Variants in SSBP2 observed in about 807,000 individuals in gnomAD.
The protein encoded by SSBP2 is single-stranded DNA-binding protein 2.
In SSBP2, 17 loss-of-function variants were observed where a neutral mutation model predicts 61.8. That is an observed-to-expected ratio of 0.28 (90% CI 0.19 to 0.41). The LOEUF (loss-of-function observed/expected upper bound fraction) is 0.41, where lower values mean the gene tolerates loss of function less well. Ranked by LOEUF, SSBP2 falls within the 10% of genes least tolerant of loss-of-function variation. The pLI is 1.00. For synonymous variants in SSBP2, 139 were observed against 141.3 expected (o/e 0.98, Z 0.12); for missense variants, 310 against 458.7 (o/e 0.68, Z 2.96).
intron 1 of SSBP2, among the ~76,000 whole-genome samples, chr5:81,746,069 A>C (rs1757330408): frequency 6.6e-6 from 1 of 152,138 alleles, no homozygotes; most frequent in African/African-American, 2.4e-5. Context: ...GAAAACTTTC[A>C]ACTTTTTTCT....
rs1036407987 is a variant in SSBP2, at chr5:81,419,668, G to A, written c.*836C>T. ...TTATTGCTATGGTCTAAATGATTTG[G>A]GCTATTTAATGATTTCTGTATCATC... On this transcript the variant is annotated 3_prime_UTR_variant, in exon 17 of 17. Transcript: ENST00000320672. The A allele has an allele frequency of 1.3e-5, 2 of 152,038 alleles. No homozygotes were observed. The highest frequency in any genetic ancestry group is 1.3e-4 in the Admixed American group (2 of 15,258). The allele number at this position is 152,038 out of a possible 1,614,324, so 9.4% of individuals were successfully genotyped here.
In SSBP2 at chr5:81,491,556, A is replaced by C. The variant is rs369963266; in HGVS notation, c.373-2247T>G. 3.6e-4 allele frequency among the ~76,000 whole-genome samples: 55 copies of C among 152,292 alleles called. 1 individual carries two copies. In the South Asian group the frequency reaches 0.01, roughly 29 times the overall value. On this transcript the variant is annotated intron_variant, in intron 5 of 16. Coordinates refer to ENST00000320672, the MANE Select transcript of SSBP2 (RefSeq NM_012446.5). Reference sequence around the variant, plus strand: ...CTCCTACCTGACTGAGGCCCTGTGAAGGAGCTGCTGTGAGGGAGGGTCAGT... The same window carrying C: ...CTCCTACCTGACTGAGGCCCTGTGACGGAGCTGCTGTGAGGGAGGGTCAGT...
At chr5:81,639,921 A>G (rs1371020033) in intron 2 of SSBP2, among the ~76,000 whole-genome samples, 1 of 152,244 alleles carries the variant, frequency 6.6e-6, no homozygotes, top group Non-Finnish European at 1.5e-5. Flanking sequence ...AAAAAGATGA[A>G]AAAAGTTAAG....
At chr5:81,477,849 A>G (rs915728497) in intron 6 of SSBP2, among the ~76,000 whole-genome samples, 1 of 152,212 alleles carries the variant, frequency 6.6e-6, no homozygotes, top group Admixed American at 6.5e-5. Flanking sequence ...TAGACTGACA[A>G]TTTTAGGAAT....
intron 1 of SSBP2, among the ~76,000 whole-genome samples, chr5:81,720,917 T>C (rs1755502724): frequency 6.6e-6 from 1 of 152,190 alleles, no homozygotes; most frequent in South Asian, 2.1e-4. Flanking sequence ...TACACACATA[T>C]ATAGCACATC....
In SSBP2 at chr5:81,615,534, G is replaced by A; in HGVS notation, c.221C>T (p.Ala74Val). 6.2e-7 allele frequency: 1 copy of A among 1,613,102 alleles called. No homozygotes were observed. Among genetic ancestry groups the A allele is most frequent in the Non-Finnish European group, 8.5e-7 (1 of 1,179,394 alleles). ...ACATGTTTCACGTCTCTCTGGAGCT[G>A]CACAGTAGAGATCCCAAAATACACT... The change falls in exon 4 of 17, where the codon GCA becomes GTA. Residue 74 changes from alanine to valine, a missense_variant. Physicochemically the swap from Ala to Val is moderately conservative, Grantham distance 64. Around this residue, in one of 4 missense-constraint regions of SSBP2, gnomAD observed 209 missense variants for 286.4 expected, o/e 0.73. Coordinates refer to ENST00000320672, the MANE Select transcript of SSBP2 (RefSeq NM_012446.5).
intron 3 of SSBP2, among the ~76,000 whole-genome samples, chr5:81,627,347 C>T (rs1454758508): frequency 6.6e-6 from 1 of 152,158 alleles, no homozygotes; most frequent in African/African-American, 2.4e-5. Context: ...TCAGCCTCCT[C>T]CTTCTAGCCC....
chr5:81,652,754 A>G (rs570776612), intron 1 of SSBP2, among the ~76,000 whole-genome samples: 152 of 146,398 alleles, frequency 1.0e-3, no homozygotes, highest in African/African-American at 4.1e-3. Context: ...AGCAATCTCC[A>G]ATTTTTTTTT....
chr5:81,530,814 C>G lies in SSBP2; in HGVS notation c.283-17097G>C, dbSNP rs1770332273. On this transcript the variant is annotated intron_variant, in intron 4 of 16. Coordinates refer to ENST00000320672, the MANE Select transcript of SSBP2 (RefSeq NM_012446.5). ...CTGTTATAAATGCATTCACTGAAAG[C>G]TGTATAAACATACAGAATCATAATT... Among the ~76,000 whole-genome samples the G allele has an allele frequency of 3.3e-5, 5 of 152,040 alleles. No individual in the cohort carries two copies. In the South Asian group the frequency reaches 1.0e-3, roughly 31 times the overall value.
chr5:81,727,009 GA>G (rs1225412748), intron 1 of SSBP2, among the ~76,000 whole-genome samples: 1 of 152,148 alleles, frequency 6.6e-6, no homozygotes, highest in Non-Finnish European at 1.5e-5. Flanking sequence ...GCGTCATTGG[GA>G]AAGGAAAGTG....
At chr5:81,750,893 A>T in intron 1 of SSBP2, 88 bp downstream of exon 1, 1 of 1,338,240 alleles carries the variant, frequency 7.5e-7, no homozygotes. Flanking sequence ...CCGGGCGGAG[A>T]GTGTCTGTGT....
chr5:81,584,905 T>C (rs1774945654), intron 4 of SSBP2, among the ~76,000 whole-genome samples: 1 of 152,170 alleles, frequency 6.6e-6, no homozygotes, highest in Admixed American at 6.5e-5. Context: ...AATGCTGTCA[T>C]ATAAAAATTA....
chr5:81,480,569 T>G (rs746711641), intron 6 of SSBP2, among the ~76,000 whole-genome samples: 1 of 152,188 alleles, frequency 6.6e-6, no homozygotes, highest in Non-Finnish European at 1.5e-5. Flanking sequence ...AAGGCTGGGA[T>G]GGCTATGGCA....
chr5:81,741,373 G>T (rs1158071656), intron 1 of SSBP2, among the ~76,000 whole-genome samples: 1 of 152,166 alleles, frequency 6.6e-6, no homozygotes, highest in Non-Finnish European at 1.5e-5. Context: ...CAGAGTTTCA[G>T]TCTGGAAACA....
At chr5:81,462,122 T>C (rs1268306946) in intron 9 of SSBP2, among the ~76,000 whole-genome samples, 1 of 152,146 alleles carries the variant, frequency 6.6e-6, no homozygotes, top group Non-Finnish European at 1.5e-5. Context: ...AGAACTGTCT[T>C]GGGCTACACA....
intron 1 of SSBP2, among the ~76,000 whole-genome samples, chr5:81,656,366 A>G (rs866153577): frequency 6.6e-6 from 1 of 152,188 alleles, no homozygotes; most frequent in Admixed American, 6.5e-5. Flanking sequence ...ATAAAAATTT[A>G]AAAAATACAT....
intron 4 of SSBP2, among the ~76,000 whole-genome samples, chr5:81,568,316 A>C (rs2153436081): frequency 6.6e-6 from 1 of 152,318 alleles, no homozygotes; most frequent in Non-Finnish European, 1.5e-5. Flanking sequence ...TGATGGTTTT[A>C]TCAGGTGTTT....
intron 1 of SSBP2, among the ~76,000 whole-genome samples, chr5:81,697,818 A>G (rs959913245): frequency 8.5e-5 from 13 of 152,194 alleles, no homozygotes; most frequent in African/African-American, 2.9e-4. Context: ...CTAAGCCCCT[A>G]AATCCAGTAA....
At chr5:81,729,358 A>G (rs564058050) in intron 1 of SSBP2, among the ~76,000 whole-genome samples, 2 of 152,220 alleles carry the variant, frequency 1.3e-5, no homozygotes, top group Non-Finnish European at 2.9e-5. Context: ...AAGCAATTAT[A>G]AAACAATGTG....
Sources: gnomAD v4.1 joint callset for allele counts (sites outside exome capture counted in the v4.1 genomes callset) on GRCh38, gnomAD v4.1.1 for gene constraint, gnomAD v4.1.1 regional missense constraint, MANE v1.5 for transcripts, NCBI Gene and HGNC (gene_info 2026-07-23, HGNC 2026-07-21) for gene names.